SYN3: variants seen among roughly 807,000 people sequenced by gnomAD.
The protein encoded by SYN3 is synapsin III.
In SYN3, 35 loss-of-function variants were observed where a neutral mutation model predicts 65.8. The observed-to-expected ratio is 0.53, with a 90% CI of 0.41 to 0.70. SYN3 has a LOEUF of 0.70. Ranked by LOEUF, SYN3 falls within the 30% of genes least tolerant of loss-of-function variation. The pLI is 0.00. For missense variants in SYN3, 680 were observed against 749.0 expected (o/e 0.91, Z 1.08); for synonymous variants, 270 against 292.9 (o/e 0.92, Z 0.80).
intron 2 of SYN3, among the ~76,000 whole-genome samples, chr22:32,995,745 C>A (rs571491876): frequency 1.3e-5 from 2 of 152,248 alleles, no homozygotes; most frequent in East Asian, 1.9e-4. Context: ...TCACTGCAAC[C>A]TCCGACTCCC....
At chr22:32,547,968 T>C (rs2058358397) in intron 7 of SYN3, among the ~76,000 whole-genome samples, 1 of 152,226 alleles carries the variant, frequency 6.6e-6, no homozygotes, top group Non-Finnish European at 1.5e-5. Context: ...CTGCCTTGTG[T>C]CTGCACTTCA....
rs1025014482 is a variant in SYN3, at chr22:32,837,376, C to T, written c.711+27539G>A. On this transcript the variant is annotated intron_variant, in intron 6 of 13. Coordinates refer to ENST00000358763, the MANE Select transcript of SYN3 (RefSeq NM_003490.4). This position sits in a 1 kb window ranked among gnomAD's most constrained non-coding sequence, Gnocchi z 4.1. ...TGCACTTGCATGGCAGTAAGCAAGTCGGCGCCTCTGACCCCTGAGTGGGCT... is the reference window on the plus strand; with the variant it reads ...TGCACTTGCATGGCAGTAAGCAAGTTGGCGCCTCTGACCCCTGAGTGGGCT... 9.5e-5 allele frequency among the ~76,000 whole-genome samples: 14 copies of T among 147,358 alleles called. No homozygotes were observed. Among genetic ancestry groups the T allele is most frequent in the African/African-American group, 3.1e-4 (12 of 38,176 alleles).
chr22:32,571,538 A>G (rs1033775553), intron 7 of SYN3, among the ~76,000 whole-genome samples: 3 of 152,214 alleles, frequency 2.0e-5, no homozygotes, highest in Non-Finnish European at 4.4e-5. Flanking sequence ...TATAGTGGAT[A>G]AATATGTAAC....
intron 3 of SYN3, among the ~76,000 whole-genome samples, chr22:32,943,387 A>G (rs1268319219): frequency 6.6e-6 from 1 of 152,230 alleles, no homozygotes; most frequent in African/African-American, 2.4e-5. Flanking sequence ...TTTACAGACA[A>G]GCAAATGCTG....
intron 3 of SYN3, among the ~76,000 whole-genome samples, chr22:32,962,129 CTTTTTTTTTTT>C (rs58025844): frequency 9.3e-6 from 1 of 107,200 alleles, no homozygotes; most frequent in East Asian, 3.2e-4. Context: ...TTTAGAATCT[CTTTTTTTTTTT>C]TTTTTTTTTT....
intron 4 of SYN3, among the ~76,000 whole-genome samples, chr22:32,908,067 A>AGGC (rs2049949948): frequency 6.6e-6 from 1 of 151,356 alleles, no homozygotes; most frequent in Non-Finnish European, 1.5e-5. Context: ...AGACAGGCAC[A>AGGC]CTCCAAGAGG....
chr22:33,043,495 C>T (rs2054001764), intron 1 of SYN3, among the ~76,000 whole-genome samples: 1 of 152,102 alleles, frequency 6.6e-6, no homozygotes, highest in African/African-American at 2.4e-5. Flanking sequence ...TTGGAGTGAG[C>T]TGAGATCACG....
intron 7 of SYN3, among the ~76,000 whole-genome samples, chr22:32,570,883 C>T (rs913358882): frequency 6.6e-6 from 1 of 151,868 alleles, no homozygotes; most frequent in East Asian, 1.9e-4. Flanking sequence ...AGGGGGGACA[C>T]AAATGAACAT....
intron 7 of SYN3, among the ~76,000 whole-genome samples, chr22:32,592,226 T>C (rs750704706): frequency 6.6e-6 from 1 of 152,160 alleles, no homozygotes; most frequent in African/African-American, 2.4e-5. Flanking sequence ...TCTAGCAGCA[T>C]CCCTGGCTTC....
At chr22:32,928,836 C>A (rs1569333902) in intron 4 of SYN3, among the ~76,000 whole-genome samples, 1 of 152,204 alleles carries the variant, frequency 6.6e-6, no homozygotes, top group Non-Finnish European at 1.5e-5. Context: ...TCCTGCACCT[C>A]CGATCTTTTT....
At chr22:32,926,530 C>G (rs187669347) in intron 4 of SYN3, among the ~76,000 whole-genome samples, 1 of 152,110 alleles carries the variant, frequency 6.6e-6, no homozygotes, top group African/African-American at 2.4e-5. Context: ...TTTTCACCTT[C>G]GAGTCTATTT....
chr22:32,723,806 G>A (rs2061152289), intron 6 of SYN3, among the ~76,000 whole-genome samples: 2 of 152,230 alleles, frequency 1.3e-5, no homozygotes, highest in Admixed American at 6.5e-5. Flanking sequence ...CATGCTTGCC[G>A]CTGCCGGCTG....
intron 6 of SYN3, among the ~76,000 whole-genome samples, chr22:32,667,795 TTTC>T (rs1407415655): frequency 6.7e-6 from 1 of 150,116 alleles, no homozygotes; most frequent in East Asian, 2.0e-4. Context: ...TCTTTCTTTC[TTTC>T]TTTTTTTTTT....
At chr22:32,977,914 A>C (rs2052255059) in intron 3 of SYN3, among the ~76,000 whole-genome samples, 1 of 152,110 alleles carries the variant, frequency 6.6e-6, no homozygotes, top group South Asian at 2.1e-4. Flanking sequence ...CTCCACCCTC[A>C]TGCAAATCGT....
chr22:32,566,658 G>A (rs1004250436), intron 7 of SYN3, among the ~76,000 whole-genome samples: 3 of 152,196 alleles, frequency 2.0e-5, no homozygotes, highest in Admixed American at 6.5e-5. Context: ...AAACTTTGTG[G>A]AGTGGTGGGA....
At chr22:32,907,238 G>T (rs975964710) in intron 4 of SYN3, among the ~76,000 whole-genome samples, 1 of 152,112 alleles carries the variant, frequency 6.6e-6, no homozygotes, top group Admixed American at 6.5e-5. Flanking sequence ...TCTAAGGAAG[G>T]TACTTTCACT....
rs764851448 is a variant in SYN3, at chr22:32,637,534, C to T, written c.712-40798G>A. Among the ~76,000 whole-genome samples the T allele has an allele frequency of 1.3e-4, 19 of 151,168 alleles. 1 individual carries two copies. The highest frequency in any genetic ancestry group is 9.3e-4 in the Admixed American group (14 of 15,132). On this transcript the variant is annotated intron_variant, in intron 6 of 13. Coordinates refer to ENST00000358763, the MANE Select transcript of SYN3 (RefSeq NM_003490.4). ...CACATGTGCAGCTTTGTTACCTGGG[C>T]GTATTGCATGATGCTGGGATGTTGG...
intron 6 of SYN3, among the ~76,000 whole-genome samples, chr22:32,614,419 T>C (rs1327910439): frequency 1.3e-5 from 2 of 152,228 alleles, no homozygotes; most frequent in Non-Finnish European, 2.9e-5. Context: ...GGCAGCTCTG[T>C]ATGGACACAG....
intron 6 of SYN3, among the ~76,000 whole-genome samples, chr22:32,754,779 T>C (rs1403790140): frequency 6.6e-6 from 1 of 152,248 alleles, no homozygotes; most frequent in African/African-American, 2.4e-5. Flanking sequence ...CCATGTAACA[T>C]TGGCCAAACC....
Sources: gnomAD v4.1 joint callset for allele counts (sites outside exome capture counted in the v4.1 genomes callset) on GRCh38, gnomAD v4.1.1 for gene constraint, Gnocchi (gnomAD v3.1) non-coding constraint, MANE v1.5 for transcripts, NCBI Gene and HGNC (gene_info 2026-07-23, HGNC 2026-07-21) for gene names.